The following FERRY3 variants were observed in gnomAD, a reference collection of about 807,000 sequenced individuals.
FERRY3 encodes protein C12orf4.
chr12:4,529,937 A>G, the FERRY3 span: 1 of 1,613,548 alleles, frequency 6.2e-7, no homozygotes, highest in East Asian at 2.2e-5. Flanking sequence ...CAAAGTAATT[A>G]TGTTCCAAAT....
the FERRY3 span, among the ~76,000 whole-genome samples, chr12:4,528,811 C>CTGTAT: frequency 5.7e-3 from 869 of 151,872 alleles, 9 homozygotes; most frequent in South Asian, 0.024. Context: ...GCTAGCCTTA[C>CTGTAT]TGTATTCTAA....
the FERRY3 span, among the ~76,000 whole-genome samples, chr12:4,493,210 T>G: frequency 2.0e-5 from 3 of 152,232 alleles, no homozygotes; most frequent in Admixed American, 2.0e-4. Flanking sequence ...TTTTATCCTG[T>G]CGTTTTTGGG....
the FERRY3 span, chr12:4,491,220 G>C: frequency 6.2e-7 from 1 of 1,612,876 alleles, no homozygotes; most frequent in Non-Finnish European, 8.5e-7. Flanking sequence ...TTAAGCACCA[G>C]GGTATAGTCA....
At chr12:4,493,082 T>C in the FERRY3 span, among the ~76,000 whole-genome samples, 1 of 152,238 alleles carries the variant, frequency 6.6e-6, no homozygotes, top group African/African-American at 2.4e-5. Flanking sequence ...CATTTTTCAA[T>C]GTCCAGCTTA....
chr12:4,537,278 G>A, the FERRY3 span, among the ~76,000 whole-genome samples: 23 of 152,120 alleles, frequency 1.5e-4, no homozygotes, highest in African/African-American at 5.6e-4. Flanking sequence ...AAGCCTCTAG[G>A]AAGACTTATC....
the FERRY3 span, among the ~76,000 whole-genome samples, chr12:4,528,937 ACAAAC>A: frequency 1.7e-3 from 217 of 125,700 alleles, no homozygotes; most frequent in African/African-American, 5.6e-3. Context: ...ACACACACAC[ACAAAC>A]AAAAGTGATT....
the FERRY3 span, chr12:4,490,688 T>G: frequency 2.2e-6 from 2 of 923,774 alleles, no homozygotes; most frequent in African/African-American, 3.4e-5. Flanking sequence ...TGGGGCTTCA[T>G]GTCTTGACTT....
chr12:4,534,201 C>G, the FERRY3 span: 1 of 1,611,892 alleles, frequency 6.2e-7, no homozygotes, highest in Admixed American at 1.7e-5. Flanking sequence ...TGATGTAAAT[C>G]TACTTCACCT....
At chr12:4,518,636 T>C in the FERRY3 span, 14 of 574,828 alleles carry the variant, frequency 2.4e-5, no homozygotes, top group South Asian at 1.4e-4. Context: ...GGTGGGTGGA[T>C]TGCTTGAGCC....
the FERRY3 span, among the ~76,000 whole-genome samples, chr12:4,513,715 C>T: frequency 8.5e-5 from 13 of 152,216 alleles, no homozygotes; most frequent in East Asian, 1.2e-3. Flanking sequence ...AACTGGATCC[C>T]GTCCTTACAC....
the FERRY3 span, among the ~76,000 whole-genome samples, chr12:4,532,610 T>C: frequency 6.6e-6 from 1 of 152,192 alleles, no homozygotes; most frequent in Non-Finnish European, 1.5e-5. Flanking sequence ...TCAAACATTC[T>C]AGTCTCTGAC....
the FERRY3 span, among the ~76,000 whole-genome samples, chr12:4,521,216 A>G: frequency 6.6e-5 from 10 of 151,966 alleles, no homozygotes; most frequent in Non-Finnish European, 1.5e-4. Context: ...AAAATTAGCC[A>G]GGTGTGGTGG....
the FERRY3 span, among the ~76,000 whole-genome samples, chr12:4,499,078 C>A: frequency 2.6e-5 from 4 of 152,164 alleles, no homozygotes; most frequent in Non-Finnish European, 5.9e-5. Flanking sequence ...AACATAAAAT[C>A]TTTTACACTG....
At chr12:4,500,366 T>A in the FERRY3 span, 29 of 1,591,256 alleles carry the variant, frequency 1.8e-5, no homozygotes, top group Non-Finnish European at 2.5e-5. Flanking sequence ...ACAATCATGA[T>A]TACCAAATGC....
the FERRY3 span, chr12:4,517,070 C>G: frequency 6.5e-7 from 1 of 1,550,174 alleles, no homozygotes; most frequent in Non-Finnish European, 8.7e-7. Context: ...CCAAGTGATT[C>G]TTTCAATTTA....
At chr12:4,502,363 G>T in the FERRY3 span, 1 of 448,542 alleles carries the variant, frequency 2.2e-6, no homozygotes, top group East Asian at 7.0e-5. This position sits in a 1 kb window ranked among gnomAD's most constrained non-coding sequence, Gnocchi z 4.2. Flanking sequence ...GAGTATTTAA[G>T]GCTGAACGCT....
At chr12:4,525,496 A>C in the FERRY3 span, 1 of 1,611,804 alleles carries the variant, frequency 6.2e-7, no homozygotes. Context: ...GCTGGGATTC[A>C]AAATGCTGAG....
chr12:4,536,339 T>C, the FERRY3 span: 3 of 508,392 alleles, frequency 5.9e-6, no homozygotes, highest in Non-Finnish European at 9.5e-6. Context: ...ATTATTCTAG[T>C]TTTTCCCAAG....
At chr12:4,508,202 C>G in the FERRY3 span, among the ~76,000 whole-genome samples, 1 of 152,110 alleles carries the variant, frequency 6.6e-6, no homozygotes, top group African/African-American at 2.4e-5. Flanking sequence ...GAGATGGGAA[C>G]AAAGACCCTT....
Sources: allele counts gnomAD v4.1 joint callset (sites outside exome capture counted in the v4.1 genomes callset), GRCh38; gene constraint gnomAD v4.1.1; non-coding constraint Gnocchi (gnomAD v3.1); transcripts MANE v1.5; gene names NCBI Gene and HGNC (gene_info 2026-07-23, HGNC 2026-07-21).